The following EP400 variants were observed in gnomAD, a reference collection of about 807,000 sequenced individuals.
The protein encoded by EP400 is E1A binding protein p400, also known as E1A-binding protein p400.
Under a neutral mutation model 354.1 loss-of-function variants are expected in EP400, and 105 were observed. The observed-to-expected ratio is 0.30, with a 90% CI of 0.25 to 0.35. The LOEUF (loss-of-function observed/expected upper bound fraction) is 0.35. Among genes scored for constraint, EP400 ranks in the 10% least tolerant of loss-of-function variants. The pLI is 1.00. For synonymous variants in EP400, 1,646 were observed against 1,716.9 expected, an observed-to-expected ratio of 0.96 and a Z score of 1.02; for missense variants, 3,280 against 4,121.0, an observed-to-expected ratio of 0.80 and a Z score of 5.59.
intron 2 of EP400, among the ~76,000 whole-genome samples, chr12:131,966,917 A>C (rs7308894): frequency 3.3e-5 from 5 of 150,654 alleles, no homozygotes; most frequent in African/African-American, 9.8e-5. Context: ...AAAAAAAAAA[A>C]AAAAAAAACC....
At chr12:132,040,680 G>A (rs1044594661) in intron 32 of EP400, among the ~76,000 whole-genome samples, 1 of 152,210 alleles carries the variant, frequency 6.6e-6, no homozygotes, top group Non-Finnish European at 1.5e-5. Context: ...CAAACCTAGT[G>A]AGTAAAGCAT....
At chr12:131,952,751 C>T (rs573154512) in intron 1 of EP400, among the ~76,000 whole-genome samples, 2 of 152,288 alleles carry the variant, frequency 1.3e-5, no homozygotes, top group Non-Finnish European at 1.5e-5. Context: ...TGTTCCCAGC[C>T]TGTTTCTTTT....
intron 32 of EP400, among the ~76,000 whole-genome samples, chr12:132,039,810 T>C (rs1330734443): frequency 1.3e-5 from 2 of 152,160 alleles, no homozygotes; most frequent in African/African-American, 4.8e-5. Flanking sequence ...AAGCCGAGGC[T>C]GGAGGATGGC....
At chr12:132,002,353 T>A (rs117683188) in intron 12 of EP400, among the ~76,000 whole-genome samples, 5,590 of 152,278 alleles carry the variant, frequency 0.037, 164 homozygotes, top group South Asian at 0.073. Flanking sequence ...TTACAAATTA[T>A]TTCATTTCCT....
chr12:132,019,182 T>C (rs879245834), intron 21 of EP400, among the ~76,000 whole-genome samples: 3 of 152,182 alleles, frequency 2.0e-5, no homozygotes, highest in Admixed American at 2.0e-4. Flanking sequence ...AGTCTGTCTT[T>C]TTAAAATGGC....
chr12:132,065,067 A>G (rs1041263069), intron 48 of EP400, 181 bp downstream of exon 48: 9 of 1,145,696 alleles, frequency 7.9e-6, no homozygotes, highest in Non-Finnish European at 1.1e-5. Flanking sequence ...GAACATTAAC[A>G]CAGCAGCAGC....
Position 132,053,529 on chromosome 12 carries a change from C to G in EP400, c.7660C>G (p.Pro2554Ala), listed in dbSNP as rs943493828. ...ACCCCAGCCACAGCCCCAGACCCAG[C>G]CACAGCCTGTGCAGGCCCCAGCGAA... ...PQPQPQPQTQ[P>A]QPVQAPAKAQ... is the part of the protein sequence containing the mutation. The change falls in exon 43 of 53, where the codon CCA (proline) becomes GCA (alanine). Residue 2554 changes from proline (P) to alanine (A), a missense_variant. This residue lies in a region of EP400 where 255 missense variants were observed against 295.9 expected (regional missense o/e 0.86). Transcript: ENST00000389561. 6.4e-7 allele frequency: 1 copy of G among 1,550,934 alleles called. No individual in the cohort carries two copies. The highest frequency in any genetic ancestry group is 2.4e-5 in the East Asian group (1 of 41,904).
chr12:131,956,389 GTA>G (rs1891701007), intron 1 of EP400, among the ~76,000 whole-genome samples: 1 of 152,042 alleles, frequency 6.6e-6, no homozygotes, highest in African/African-American at 2.4e-5. Context: ...TTCACTTAAT[GTA>G]TCTGGAAATT....
Position 131,979,682 on chromosome 12 carries a change from C to CT in EP400, c.1336-6dup, listed in dbSNP as rs780746008. 90 of 1,595,400 alleles carry CT rather than the reference C, an allele frequency of 5.6e-5. No homozygotes were observed. The highest frequency in any genetic ancestry group is 7.6e-5 in the Non-Finnish European group (89 of 1,173,494). On this transcript the variant is annotated splice_polypyrimidine_tract_variant and intron_variant, in intron 2 of 52. Transcript: ENST00000389561. ...AGTGATCAAAATCTCATTTTTTCATCTTTTTTCCCAGCAGCAAGCCCTCGC... is the reference window on the plus strand; with the variant it reads ...AGTGATCAAAATCTCATTTTTTCATCTTTTTTTCCCAGCAGCAAGCCCTCGC...
chr12:132,035,464 G>A (rs904383706), intron 30 of EP400, among the ~76,000 whole-genome samples: 7 of 152,242 alleles, frequency 4.6e-5, no homozygotes, highest in Admixed American at 2.6e-4. Context: ...GAAGTAAGGC[G>A]GACATTTTCC....
chr12:132,037,484 A>T (rs1894757700), intron 30 of EP400, among the ~76,000 whole-genome samples, 198 bp from the exon 31 acceptor site: 2 of 152,208 alleles, frequency 1.3e-5, no homozygotes, highest in Non-Finnish European at 2.9e-5. Context: ...GCCTCCTGTC[A>T]GCTCTCTGGG....
rs990486460 is a variant in EP400 at position 132,070,103 on chromosome 12, C to T, written c.9021+462C>T. Among the ~76,000 whole-genome samples the T allele has an allele frequency of 3.9e-5, 6 of 152,128 alleles. No individual in the cohort carries two copies. Among genetic ancestry groups the T allele is most frequent in the Non-Finnish European group, 4.4e-5 (3 of 68,036 alleles). Reference sequence around the variant, plus strand: ...GCCTAGAGCTTTTATGTCCTGCTTCCTCCCAGAGCTTATGGAGTTACCTCC... The same window carrying T: ...GCCTAGAGCTTTTATGTCCTGCTTCTTCCCAGAGCTTATGGAGTTACCTCC... On this transcript the variant is annotated intron_variant, in intron 51 of 52. Coordinates refer to ENST00000389561, the MANE Select transcript of EP400 (RefSeq NM_015409.5). This position sits in a 1 kb window ranked among gnomAD's most constrained non-coding sequence, Gnocchi z 4.1.
rs202210832 is a variant in EP400 at position 132,064,461 on chromosome 12, A to G, written c.8335-207A>G. Among the ~76,000 whole-genome samples the G allele has an allele frequency of 3.9e-5, 6 of 152,350 alleles. No individual in the cohort carries two copies. The East Asian group carries it at 1.2e-3, about 29-fold the overall frequency. On this transcript the variant is annotated intron_variant, in intron 47 of 52. Transcript: ENST00000389561. The stretch of plus-strand genomic sequence containing the variant: ...CTTATCAGTCAGAATCCGTGTTTGT[A>G]GTTTTCACCGACGAATGCACATTTT...
At chr12:132,059,981 C>T (rs928916908) in intron 45 of EP400, among the ~76,000 whole-genome samples, 3 of 151,496 alleles carry the variant, frequency 2.0e-5, no homozygotes, top group African/African-American at 7.3e-5. Flanking sequence ...CAAGATCACA[C>T]CATTGCTCTC....
At chr12:131,959,174 T>C (rs1272450532) in intron 1 of EP400, among the ~76,000 whole-genome samples, 1 of 152,168 alleles carries the variant, frequency 6.6e-6, no homozygotes, top group Non-Finnish European at 1.5e-5. Context: ...CCTTGAAAAC[T>C]TGAATGAGAT....
intron 11 of EP400, 69 bp downstream of exon 11, chr12:131,992,299 G>A (rs567289777): frequency 4.9e-6 from 7 of 1,435,402 alleles, no homozygotes; most frequent in African/African-American, 2.8e-5. Context: ...GAGCTGCAGC[G>A]ACTTGGGGTT....
intron 2 of EP400, chr12:131,963,771 TA>T: frequency 3.0e-6 from 2 of 656,360 alleles, no homozygotes; most frequent in South Asian, 4.1e-5. Flanking sequence ...TTTTCAACAG[TA>T]AAAAATCTTC....
rs1893132367 is a variant in EP400, at chr12:131,994,201, G to A, written c.2738-666G>A. Among the ~76,000 whole-genome samples, 1 of 152,092 alleles carries A rather than the reference G, an allele frequency of 6.6e-6. No homozygotes were observed. Among genetic ancestry groups the A allele is most frequent in the African/African-American group, 2.4e-5 (1 of 41,422 alleles). Reference sequence around the variant, plus strand: ...TGGGGGTCTTGTAGTGAAGAAATGAGGAAGAGTTTTGATGGTAGGAAGGGA... The same window carrying A: ...TGGGGGTCTTGTAGTGAAGAAATGAAGAAGAGTTTTGATGGTAGGAAGGGA... On this transcript the variant is annotated intron_variant, in intron 11 of 52. Coordinates refer to ENST00000389561, the MANE Select transcript of EP400 (RefSeq NM_015409.5). This position sits in a 1 kb window ranked among gnomAD's most constrained non-coding sequence, Gnocchi z 4.6.
intron 2 of EP400, among the ~76,000 whole-genome samples, chr12:131,972,711 C>T (rs1333335895): frequency 6.1e-5 from 9 of 148,354 alleles, no homozygotes; most frequent in Admixed American, 1.3e-4. Context: ...ATAATTTTAT[C>T]ACCCTAACAC....
Sources: gnomAD v4.1 joint callset for allele counts (sites outside exome capture counted in the v4.1 genomes callset) on GRCh38, gnomAD v4.1.1 for gene constraint, gnomAD v4.1.1 regional missense constraint, Gnocchi (gnomAD v3.1) non-coding constraint, MANE v1.5 for transcripts, NCBI Gene and HGNC (gene_info 2026-07-23, HGNC 2026-07-21) for gene names.